Variants in PRKCH observed in about 807,000 individuals in gnomAD.
The protein encoded by PRKCH is protein kinase C eta type.
A neutral mutation model predicts 82.5 loss-of-function variants in PRKCH; 28 were observed. The observed-to-expected ratio is 0.34, with a 90% confidence interval of 0.25 to 0.47. PRKCH has a LOEUF of 0.47. Among genes scored for constraint, PRKCH ranks in the 20% least tolerant of loss-of-function variants. The pLI is 1.00. For missense variants in PRKCH, 705 were observed against 881.8 expected (o/e 0.80, Z 2.54); for synonymous variants, 322 against 327.4 (o/e 0.98, Z 0.18).
chr14:61,229,256 G>A (rs61271857), intron 1 of PRKCH, among the ~76,000 whole-genome samples: 2,501 of 152,210 alleles, frequency 0.016, 68 homozygotes, highest in African/African-American at 0.057. Context: ...TGATATACAA[G>A]GCAGTGTTTA....
chr14:61,282,034 T>TC (rs11384082), intron 1 of PRKCH, among the ~76,000 whole-genome samples: 118,397 of 151,720 alleles, frequency 0.78, 47,193 homozygotes, highest in Middle Eastern at 0.86. Flanking sequence ...TAAATAACTC[T>TC]TAGCTGGTGT....
chr14:61,544,722 T>C (rs2043231958), intron 12 of PRKCH: 1 of 152,220 alleles, frequency 6.6e-6, no homozygotes. Context: ...AAAATACTAC[T>C]ACTACTAACA....
intron 2 of PRKCH, among the ~76,000 whole-genome samples, chr14:61,427,913 G>A (rs1883192360): frequency 6.6e-6 from 1 of 151,946 alleles, no homozygotes; most frequent in Non-Finnish European, 1.5e-5. Context: ...TGTGATGCTA[G>A]CTGAGTGTGG....
intron 2 of PRKCH, among the ~76,000 whole-genome samples, chr14:61,408,578 G>T (rs971082058): frequency 6.6e-6 from 1 of 152,128 alleles, no homozygotes; most frequent in African/African-American, 2.4e-5. Context: ...TGCCTTATGT[G>T]TAAAACAAGG....
chr14:61,308,110 G>C (rs1033651954), intron 1 of PRKCH, among the ~76,000 whole-genome samples: 20 of 152,278 alleles, frequency 1.3e-4, no homozygotes, highest in South Asian at 6.2e-4. Flanking sequence ...AGAGTGTTGG[G>C]ATTACAGGCA....
At chr14:61,486,473 C>T (rs1420632082) in intron 10 of PRKCH, among the ~76,000 whole-genome samples, 1 of 152,122 alleles carries the variant, frequency 6.6e-6, no homozygotes, top group Non-Finnish European at 1.5e-5. Flanking sequence ...TCCGAATCTG[C>T]TTGATGTTGT....
At chr14:61,359,429 A>G (rs117761171) in intron 1 of PRKCH, among the ~76,000 whole-genome samples, 239 of 152,246 alleles carry the variant, frequency 1.6e-3, no homozygotes, top group Non-Finnish European at 3.0e-3. Context: ...TTTTTAAGTT[A>G]TTTTTCCCAG....
At chr14:61,277,578 G>A (rs549133956) in intron 1 of PRKCH, 23 of 152,276 alleles carry the variant, frequency 1.5e-4, no homozygotes, top group South Asian at 2.1e-4. Flanking sequence ...GCAGGAAAAC[G>A]TTTCCCATTT....
chr14:61,208,845 C>T (rs1425242565), intron 1 of PRKCH, among the ~76,000 whole-genome samples: 1 of 152,134 alleles, frequency 6.6e-6, no homozygotes, highest in Non-Finnish European at 1.5e-5. Context: ...TTGTTGAAGA[C>T]CTAACCCCAA....
At chr14:61,432,697 T>G (rs1883465324) in intron 2 of PRKCH, among the ~76,000 whole-genome samples, 1 of 152,142 alleles carries the variant, frequency 6.6e-6, no homozygotes, top group South Asian at 2.1e-4. Flanking sequence ...ACTGATTATT[T>G]GACTCAGCCT....
Position 61,549,715 on chromosome 14 carries a change from C to G in PRKCH, c.1936C>G (p.Pro646Ala). ...CCGAGAAGATGTCAGTAATTTTGAC[C>G]CTGACTTCATAAAGGAAGAGCCAGT... ...KSREDVSNFD[P>A]DFIKEEPVLT... The change falls in exon 14 of 14, where the codon CCT becomes GCT. Residue 646 changes from proline to alanine, a missense_variant. Physicochemically the swap from Pro to Ala is conservative, Grantham distance 27. This residue lies in a region of PRKCH where 91 missense variants were observed against 81.2 expected (regional missense o/e 1.12). Coordinates refer to ENST00000332981, the MANE Select transcript of PRKCH (RefSeq NM_006255.5). 1.2e-6 allele frequency: 2 copies of G among 1,613,360 alleles called. No individual in the cohort carries two copies. The highest frequency in any genetic ancestry group is 1.7e-6 in the Non-Finnish European group (2 of 1,179,918).
intron 1 of PRKCH, among the ~76,000 whole-genome samples, chr14:61,335,350 C>T (rs909038766): frequency 6.6e-6 from 1 of 152,064 alleles, no homozygotes; most frequent in African/African-American, 2.4e-5. Flanking sequence ...CCGTATTTTT[C>T]AGTTTCTGAA....
intron 10 of PRKCH, chr14:61,525,597 G>C (rs1265563232): frequency 6.6e-6 from 1 of 152,196 alleles, no homozygotes; most frequent in Admixed American, 6.5e-5. Context: ...CGCGATTCCT[G>C]CTGCCCATGA....
intron 1 of PRKCH, among the ~76,000 whole-genome samples, chr14:61,380,106 C>T (rs151301307): frequency 0.011 from 1,685 of 151,992 alleles, 99 homozygotes; most frequent in Admixed American, 0.096. Context: ...CTGGGCTCTC[C>T]GGGGTGCAGT....
intron 2 of PRKCH, among the ~76,000 whole-genome samples, chr14:61,422,861 G>T (rs1410751484): frequency 6.6e-6 from 1 of 152,036 alleles, no homozygotes; most frequent in South Asian, 2.1e-4. Context: ...TATACATTAT[G>T]TGTGTGCACA....
At chr14:61,398,610 G>C (rs1278586006) in intron 2 of PRKCH, among the ~76,000 whole-genome samples, 3 of 152,172 alleles carry the variant, frequency 2.0e-5, no homozygotes, top group Non-Finnish European at 4.4e-5. Context: ...ACAACATCGT[G>C]ATCTTGCCAA....
chr14:61,189,452 G>A (rs2044393001), intron 1 of PRKCH, among the ~76,000 whole-genome samples: 1 of 152,168 alleles, frequency 6.6e-6, no homozygotes, highest in South Asian at 2.1e-4. Context: ...TCCCTTGTCT[G>A]CCTGCCTTGA....
At chr14:61,444,304 C>CT (rs1040016290) in intron 3 of PRKCH, among the ~76,000 whole-genome samples, 1 of 152,104 alleles carries the variant, frequency 6.6e-6, no homozygotes, top group African/African-American at 2.4e-5. Flanking sequence ...GCCCTGGCGT[C>CT]TTTGAGTTCA....
At chr14:61,371,863 T>C (rs1295003965) in intron 1 of PRKCH, among the ~76,000 whole-genome samples, 1 of 152,058 alleles carries the variant, frequency 6.6e-6, no homozygotes, top group African/African-American at 2.4e-5. Flanking sequence ...TTATTGGGAA[T>C]TCCTCTGCTT....
Sources: allele counts gnomAD v4.1 joint callset (sites outside exome capture counted in the v4.1 genomes callset), GRCh38; gene constraint gnomAD v4.1.1; regional missense constraint gnomAD v4.1.1; transcripts MANE v1.5; gene names NCBI Gene and HGNC (gene_info 2026-07-23, HGNC 2026-07-21).